SOBP: variants seen among roughly 807,000 people sequenced by gnomAD.
SOBP encodes sine oculis binding protein homolog, also known as sine oculis-binding protein homolog.
A neutral mutation model predicts 53.6 loss-of-function variants in SOBP; 4 were observed. That is an observed-to-expected ratio of 0.07 (90% CI 0.04 to 0.17). SOBP has a LOEUF of 0.17. Among genes scored for constraint, SOBP ranks in the 10% least tolerant of loss-of-function variants. SOBP has a pLI of 1.00. For missense variants in SOBP, 1,088 were observed against 1,204.7 expected (o/e 0.90, Z 1.43); for synonymous variants, 584 against 522.6 (o/e 1.12, Z -1.60).
chr6:107,580,986 C>T (rs776482999), intron 4 of SOBP, among the ~76,000 whole-genome samples: 6 of 152,114 alleles, frequency 3.9e-5, no homozygotes, highest in Non-Finnish European at 5.9e-5. Flanking sequence ...CCAGCGATAG[C>T]GTTAAAGGAT....
At chr6:107,619,512 A>T (rs1409065615) in intron 5 of SOBP, among the ~76,000 whole-genome samples, 2 of 152,058 alleles carry the variant, frequency 1.3e-5, no homozygotes, top group African/African-American at 4.8e-5. Context: ...TTTTTGGGGG[A>T]CAGAGCATTT....
chr6:107,600,905 C>A (rs1297921761), intron 5 of SOBP, among the ~76,000 whole-genome samples: 1 of 152,058 alleles, frequency 6.6e-6, no homozygotes, highest in African/African-American at 2.4e-5. Context: ...GATTTCTACC[C>A]CTCATTTTTA....
In SOBP at chr6:107,506,325, A is replaced by C. The variant is rs148915050; in HGVS notation, c.319A>C (p.Thr107Pro). 1 of 1,614,218 alleles carries C rather than the reference A, an allele frequency of 6.2e-7. No individual in the cohort carries two copies. Among genetic ancestry groups the C allele is most frequent in the Non-Finnish European group, 8.5e-7 (1 of 1,180,036 alleles). Residue 107 changes from threonine to proline, a missense_variant, in exon 3 of 7, where the codon ACT (threonine) becomes CCT (proline). By Grantham distance (38) the Thr-to-Pro change is conservative. Transcript: ENST00000317357. ...NISTGYSGLA[T>P]GNGLSDSPAG... ...AAGCACAGGCTATTCAGGGCTTGCC[A>C]CTGGAAATGGACTCAGTGACTCACC... is the stretch of plus-strand genomic sequence containing the variant.
intron 5 of SOBP, among the ~76,000 whole-genome samples, chr6:107,603,388 G>A (rs765108746): frequency 3.9e-5 from 6 of 152,192 alleles, no homozygotes; most frequent in Non-Finnish European, 7.3e-5. Flanking sequence ...TGCCCAAGGG[G>A]CTGTCTTCCT....
intron 5 of SOBP, among the ~76,000 whole-genome samples, chr6:107,597,125 G>A (rs925321403): frequency 1.4e-4 from 21 of 152,150 alleles, no homozygotes; most frequent in Non-Finnish European, 2.8e-4. Context: ...AAAGAAACAC[G>A]TGAACATTTT....
Position 107,634,226 on chromosome 6 carries a change from AC to A in SOBP, c.1388del (p.Pro463ArgfsTer31). ...MHRPMLSPHI[H>X]PPSTPTMPGN... ...CGGCCCATGCTATCGCCCCACATCC[AC>A]CCCCCGAGCACCCCCACCATGCCCG... On this transcript the variant is annotated frameshift_variant, in exon 6 of 7. Coordinates refer to ENST00000317357, the MANE Select transcript of SOBP (RefSeq NM_018013.4). LOFTEE classifies it high-confidence loss of function. This position sits in a 1 kb window ranked among gnomAD's most constrained non-coding sequence, Gnocchi z 4.5. 6 of 1,548,870 alleles carry A rather than the reference AC, an allele frequency of 3.9e-6. No homozygotes were observed. The highest frequency in any genetic ancestry group is 5.2e-6 in the Non-Finnish European group (6 of 1,153,258).
intron 5 of SOBP, among the ~76,000 whole-genome samples, chr6:107,590,152 A>G (rs1160442092): frequency 6.6e-6 from 1 of 152,212 alleles, no homozygotes. Flanking sequence ...GAGGAGGACC[A>G]TAAGTGTGTT....
At chr6:107,601,199 G>A (rs1038006922) in intron 5 of SOBP, among the ~76,000 whole-genome samples, 3 of 152,130 alleles carry the variant, frequency 2.0e-5, no homozygotes, top group African/African-American at 4.8e-5. Context: ...TCTGAGTTGC[G>A]GAGTTTCTTG....
rs1772269629 is a variant in SOBP, at chr6:107,660,959, G to A, written c.*2756G>A. Reference sequence around the variant, plus strand: ...TTCCTGGTGCAGAGTTATATTTATGGCGGTGACTCCGTCTGAACTCTGCCG... The same window carrying A: ...TTCCTGGTGCAGAGTTATATTTATGACGGTGACTCCGTCTGAACTCTGCCG... On this transcript the variant is annotated 3_prime_UTR_variant, in exon 7 of 7. Coordinates refer to ENST00000317357, the MANE Select transcript of SOBP (RefSeq NM_018013.4). Among the ~76,000 whole-genome samples, 1 of 152,162 alleles carries A rather than the reference G, an allele frequency of 6.6e-6. No homozygotes were observed. Among genetic ancestry groups the A allele is most frequent in the East Asian group, 1.9e-4 (1 of 5,194 alleles).
chr6:107,522,431 G>A (rs1783537159), intron 3 of SOBP, among the ~76,000 whole-genome samples: 1 of 151,926 alleles, frequency 6.6e-6, no homozygotes, highest in South Asian at 2.1e-4. Context: ...CTGGGATTGA[G>A]GGTAACAAAC....
At chr6:107,523,310 C>G (rs1214856614) in intron 3 of SOBP, among the ~76,000 whole-genome samples, 3 of 152,200 alleles carry the variant, frequency 2.0e-5, no homozygotes, top group Non-Finnish European at 2.9e-5. Context: ...TTCAGAGAGT[C>G]TCTCAACCAA....
At chr6:107,499,447 G>A (rs1782780912) in intron 1 of SOBP, among the ~76,000 whole-genome samples, 1 of 152,150 alleles carries the variant, frequency 6.6e-6, no homozygotes, top group Non-Finnish European at 1.5e-5. Context: ...TAATTACAGT[G>A]ACCTATTTTC....
chr6:107,551,317 A>C (rs1253850878), intron 4 of SOBP, among the ~76,000 whole-genome samples: 1 of 152,244 alleles, frequency 6.6e-6, no homozygotes, highest in Non-Finnish European at 1.5e-5. Context: ...GTGTTTAGTA[A>C]GTGTACATAA....
At chr6:107,512,388 T>C (rs1483617541) in intron 3 of SOBP, among the ~76,000 whole-genome samples, 1 of 152,254 alleles carries the variant, frequency 6.6e-6, no homozygotes, top group Non-Finnish European at 1.5e-5. Flanking sequence ...AACTGTGCTG[T>C]AGTGAGTCTT....
intron 3 of SOBP, among the ~76,000 whole-genome samples, chr6:107,520,453 C>G (rs1388588239): frequency 6.6e-6 from 1 of 152,176 alleles, no homozygotes; most frequent in African/African-American, 2.4e-5. Flanking sequence ...GAACTCACTT[C>G]TGAAAGGGAT....
intron 4 of SOBP, among the ~76,000 whole-genome samples, chr6:107,586,800 G>A (rs1228516034): frequency 6.6e-6 from 1 of 152,110 alleles, no homozygotes; most frequent in Non-Finnish European, 1.5e-5. Flanking sequence ...AAAAACTAAG[G>A]TGGTGGTAAT....
In SOBP at chr6:107,634,948, G is replaced by T; in HGVS notation, c.2104G>T (p.Ala702Ser). Residue 702 changes from alanine to serine, a missense_variant, in exon 6 of 7, where the codon GCC becomes TCC. Physicochemically the swap from Ala to Ser is moderately conservative, Grantham distance 99. Coordinates refer to ENST00000317357, the MANE Select transcript of SOBP (RefSeq NM_018013.4). The surrounding 1 kb of genome is among the most constrained non-coding windows in gnomAD (Gnocchi z 4.5). ...GCRDGHCSPP[A>S]AGDPGPGAPA... Reference sequence around the variant, plus strand: ...CAGGGACGGCCACTGCAGCCCGCCCGCCGCCGGCGACCCAGGCCCGGGCGC... The same window carrying T: ...CAGGGACGGCCACTGCAGCCCGCCCTCCGCCGGCGACCCAGGCCCGGGCGC... The T allele has an allele frequency of 9.5e-7, 1 of 1,057,834 alleles. No homozygotes were observed. Among genetic ancestry groups the T allele is most frequent in the Non-Finnish European group, 1.1e-6 (1 of 879,184 alleles). 65.5% of individuals were successfully genotyped at this position (1,057,834 alleles called of 1,614,324 possible).
chr6:107,619,768 G>A (rs1235350497), intron 5 of SOBP, among the ~76,000 whole-genome samples: 1 of 152,104 alleles, frequency 6.6e-6, no homozygotes. Flanking sequence ...CAGAAGACAA[G>A]GCCTCCCAGC....
At chr6:107,590,480 AAG>A (rs1785706839) in intron 5 of SOBP, among the ~76,000 whole-genome samples, 1 of 152,212 alleles carries the variant, frequency 6.6e-6, no homozygotes, top group African/African-American at 2.4e-5. Flanking sequence ...AAGGGGAACT[AAG>A]AGAAAGGAAA....
Sources: allele counts gnomAD v4.1 joint callset (sites outside exome capture counted in the v4.1 genomes callset), GRCh38; gene constraint gnomAD v4.1.1; non-coding constraint Gnocchi (gnomAD v3.1); transcripts MANE v1.5; gene names NCBI Gene and HGNC (gene_info 2026-07-23, HGNC 2026-07-21).